Variants in MOV10L1 observed in about 807,000 individuals in gnomAD.
The protein encoded by MOV10L1 is RNA helicase Mov10l1.
A neutral mutation model predicts 143.8 loss-of-function variants in MOV10L1; 110 were observed. The observed-to-expected ratio is 0.76, with a 90% CI of 0.66 to 0.90. The LOEUF is 0.90. Among genes scored for constraint, MOV10L1 ranks in the 40% least tolerant of loss-of-function variants. The pLI is 0.00. For missense variants in MOV10L1, 1,406 were observed against 1,526.8 expected (o/e 0.92, Z 1.32); for synonymous variants, 593 against 581.1 (o/e 1.02, Z -0.29).
chr22:50,112,608 G>C (rs1226082576), intron 5 of MOV10L1, among the ~76,000 whole-genome samples: 1 of 152,232 alleles, frequency 6.6e-6, no homozygotes, highest in Non-Finnish European at 1.5e-5. Flanking sequence ...CCTGACCACA[G>C]AGTAGAAGCT....
intron 3 of MOV10L1, among the ~76,000 whole-genome samples, chr22:50,105,520 C>G (rs1363310648): frequency 6.6e-6 from 1 of 152,192 alleles, no homozygotes; most frequent in African/African-American, 2.4e-5. Flanking sequence ...ATTATTTCCT[C>G]CATTGTTTTT....
intron 12 of MOV10L1, among the ~76,000 whole-genome samples, chr22:50,127,379 G>A (rs2062539673): frequency 6.6e-6 from 1 of 152,148 alleles, no homozygotes; most frequent in East Asian, 1.9e-4. Flanking sequence ...ATCTTTTCAG[G>A]CTTTCTTGGA....
Position 50,092,024 on chromosome 22 carries a change from C to T in MOV10L1, c.121C>T (p.Arg41Trp), listed in dbSNP as rs973304201. ...AEGDTKLKTV[R>W]GVVTRYCSDY... ...AGGTGACACTAAGCTGAAAACTGTA[C>T]GGGGTGTCGTGACAAGGTACTGCAG... The change falls in exon 2 of 27, where the codon CGG (arginine) becomes TGG (tryptophan). Residue 41 changes from arginine to tryptophan, a missense_variant. This residue lies in a region of MOV10L1 where 166 missense variants were observed against 153.9 expected (regional missense o/e 1.08). Transcript: ENST00000262794. The T allele has an allele frequency of 1.7e-5, 28 of 1,613,630 alleles. No homozygotes were observed. Among genetic ancestry groups the T allele is most frequent in the South Asian group, 2.2e-5 (2 of 91,014 alleles).
Position 50,101,085 on chromosome 22 carries a change from C to T in MOV10L1, c.442+1483C>T, listed in dbSNP as rs78373152. Among the ~76,000 whole-genome samples, 771 of 152,210 alleles carry T rather than the reference C, an allele frequency of 5.1e-3. 8 individuals carry two copies. The highest frequency in any genetic ancestry group is 0.018 in the African/African-American group (727 of 41,520). On this transcript the variant is annotated intron_variant, in intron 3 of 26. Transcript: ENST00000262794. ...AGCTGAAGTCCATTTGCACAGCCCACAGCACTGCCTGTTGGAAGATGAATA... is the reference window on the plus strand; with the variant it reads ...AGCTGAAGTCCATTTGCACAGCCCATAGCACTGCCTGTTGGAAGATGAATA...
chr22:50,150,486 A>C (rs1201236633), intron 20 of MOV10L1, among the ~76,000 whole-genome samples: 1 of 152,062 alleles, frequency 6.6e-6, no homozygotes, highest in African/African-American at 2.4e-5. Context: ...CGCAGGAGAG[A>C]AAACCAGGCT....
intron 15 of MOV10L1, among the ~76,000 whole-genome samples, chr22:50,134,874 T>C (rs2062779086): frequency 6.6e-6 from 1 of 152,204 alleles, no homozygotes; most frequent in Non-Finnish European, 1.5e-5. Flanking sequence ...AACTAAAATA[T>C]TCAAAAATAG....
intron 16 of MOV10L1, among the ~76,000 whole-genome samples, chr22:50,142,618 CAGG>C (rs2063021578): frequency 6.6e-6 from 1 of 151,492 alleles, no homozygotes; most frequent in Admixed American, 6.6e-5. Flanking sequence ...CATATGAGCT[CAGG>C]AGTTCGAGAC....
intron 3 of MOV10L1, 116 bp downstream of exon 3, chr22:50,099,718 C>G: frequency 7.9e-7 from 1 of 1,259,650 alleles, no homozygotes; most frequent in South Asian, 1.5e-5. Flanking sequence ...CAGGCTGAGA[C>G]AGGAGGATCG....
In MOV10L1 at chr22:50,138,895, G is replaced by A. The variant is rs150157879; in HGVS notation, c.2071-3186G>A. Among the ~76,000 whole-genome samples the A allele has an allele frequency of 6.2e-3, 949 of 152,148 alleles. 40 individuals carry two copies. The highest frequency in any genetic ancestry group is 0.053 in the Admixed American group (814 of 15,268). On this transcript the variant is annotated intron_variant, in intron 15 of 26. Coordinates refer to ENST00000262794, the MANE Select transcript of MOV10L1 (RefSeq NM_018995.3). ...ATTTTTGTATTTTTAGTAGAGACAAGGTTTCACCATGTTGATCAGGCTGGT... is the reference window on the plus strand; with the variant it reads ...ATTTTTGTATTTTTAGTAGAGACAAAGTTTCACCATGTTGATCAGGCTGGT...
intron 13 of MOV10L1, among the ~76,000 whole-genome samples, chr22:50,130,563 A>G (rs980891269): frequency 2.7e-5 from 4 of 147,202 alleles, no homozygotes; most frequent in African/African-American, 9.8e-5. Context: ...CCAAAGAGAT[A>G]CAGGAGGACC....
chr22:50,141,495 A>ATTTTTTTTTTTTTTTTT (rs56881561), intron 15 of MOV10L1, among the ~76,000 whole-genome samples: 1 of 138,148 alleles, frequency 7.2e-6, no homozygotes, highest in Admixed American at 7.5e-5. Context: ...TGCCCGGCTA[A>ATTTTTTTTTTTTTTTTT]TTTTTTTTTT....
At chr22:50,134,413 T>TA in intron 14 of MOV10L1, 117 bp from the exon 15 acceptor site, 1 of 767,318 alleles carries the variant, frequency 1.3e-6, no homozygotes, top group Non-Finnish European at 2.1e-6. Context: ...ACAGGCAGGT[T>TA]AAGAAAGGAA....
At position 50,115,224 on chromosome 22, in the gene MOV10L1, A is replaced by G. The variant is rs1173090304; in HGVS notation, c.1237A>G (p.Ile413Val). The G allele has an allele frequency of 4.6e-6, 7 of 1,531,780 alleles. No individual in the cohort carries two copies. Among genetic ancestry groups the G allele is most frequent in the Non-Finnish European group, 6.1e-6 (7 of 1,150,280 alleles). 94.9% of individuals were successfully genotyped at this position (1,531,780 alleles called of 1,614,324 possible). The change falls in exon 8 of 27, where the codon ATT becomes GTT. Residue 413 changes from isoleucine to valine, a missense_variant. Ile to Val is a conservative substitution (Grantham distance 29). Transcript: ENST00000262794. Reference sequence around the variant, plus strand: ...TGTCCCTCCAGGGGGAAAAACCTTCATTGTGGTCATCTGTGACGGAAAGTA... The same window carrying G: ...TGTCCCTCCAGGGGGAAAAACCTTCGTTGTGGTCATCTGTGACGGAAAGTA... ...GLVPPGGKTF[I>V]VVICDGKNPG... is the part of the protein sequence containing the mutation.
chr22:50,145,673 G>A lies in MOV10L1; in HGVS notation c.2506-16G>A, dbSNP rs761479542. 12 of 1,613,410 alleles carry A rather than the reference G, an allele frequency of 7.4e-6. No individual in the cohort carries two copies. The highest frequency in any genetic ancestry group is 5.5e-5 in the South Asian group (5 of 91,086). ...AATTGGAGGAGTAAACTAACTCTAC[G>A]CCTCCTTGCCCCCAGATAGTTATTG... On this transcript the variant is annotated splice_polypyrimidine_tract_variant and intron_variant, in intron 18 of 26. Transcript: ENST00000262794.
rs905296299 is a variant in MOV10L1, at chr22:50,159,678, G to A, written c.3217G>A (p.Val1073Met). The A allele has an allele frequency of 6.3e-7, 1 of 1,592,906 alleles. No homozygotes were observed. Among genetic ancestry groups the A allele is most frequent in the Non-Finnish European group, 8.6e-7 (1 of 1,161,618 alleles). Residue 1073 changes from valine (V) to methionine (M), a missense_variant and splice_region_variant, in exon 24 of 27, where the codon GTG becomes ATG. Coordinates refer to ENST00000262794, the MANE Select transcript of MOV10L1 (RefSeq NM_018995.3). This position sits in a 1 kb window ranked among gnomAD's most constrained non-coding sequence, Gnocchi z 4.1. ...GTCTTTCTTTTAATCTGTTCTCAAG[G>A]TGGAGAAAATCAGAATTCTTTTGCG... is the stretch of plus-strand genomic sequence containing the variant. The part of the protein sequence containing the change: ...IGVITPYRKQ[V>M]EKIRILLRNV...
At chr22:50,103,219 A>G (rs1382567086) in intron 3 of MOV10L1, among the ~76,000 whole-genome samples, 2 of 152,240 alleles carry the variant, frequency 1.3e-5, no homozygotes, top group Non-Finnish European at 2.9e-5. Context: ...GACTGGAGGA[A>G]GAGACCGTGC....
rs750489109 is a variant in MOV10L1 at position 50,144,295 on chromosome 22, T to C, written c.2505+52T>C. ...GGCACCAGAACCCCTCCCTGGAACA[T>C]AGGAAATGCCAAGTGGACAGGGGAG... On this transcript the variant is annotated intron_variant, in intron 18 of 26. Transcript: ENST00000262794. The C allele has an allele frequency of 1.2e-5, 18 of 1,548,380 alleles. No homozygotes were observed. The East Asian group carries it at 3.0e-4, about 26-fold the overall frequency.
chr22:50,091,911 G>A, intron 1 of MOV10L1, 90 bp from the exon 2 acceptor site: 2 of 1,299,230 alleles, frequency 1.5e-6, no homozygotes, highest in Non-Finnish European at 2.1e-6. Flanking sequence ...AAAAAAGGAG[G>A]CTTTTGCACT....
intron 13 of MOV10L1, among the ~76,000 whole-genome samples, chr22:50,132,534 C>CAG (rs138253): frequency 0.55 from 83,241 of 151,804 alleles, 23,320 homozygotes; most frequent in Admixed American, 0.65. Flanking sequence ...GATCTTTTGT[C>CAG]AGTTATACCT....
Sources: gnomAD v4.1 joint callset for allele counts (sites outside exome capture counted in the v4.1 genomes callset) on GRCh38, gnomAD v4.1.1 for gene constraint, gnomAD v4.1.1 regional missense constraint, Gnocchi (gnomAD v3.1) non-coding constraint, MANE v1.5 for transcripts, NCBI Gene and HGNC (gene_info 2026-07-23, HGNC 2026-07-21) for gene names.